Variants in SFMBT2 observed in about 807,000 individuals in gnomAD.
SFMBT2 encodes scm-like with four MBT domains protein 2.
A neutral mutation model predicts 110.1 loss-of-function variants in SFMBT2; 38 were observed. That is an observed-to-expected ratio of 0.35 (90% CI 0.27 to 0.45). The LOEUF is 0.45. Ranked by LOEUF, SFMBT2 falls within the 20% of genes least tolerant of loss-of-function variation. The pLI is 1.00. For synonymous variants in SFMBT2, 425 were observed against 425.4 expected (o/e 1.00, Z 0.01); for missense variants, 1,011 against 1,094.9 (o/e 0.92, Z 1.08).
intron 17 of SFMBT2, among the ~76,000 whole-genome samples, chr10:7,174,967 T>C (rs1262378525): frequency 2.0e-5 from 3 of 152,196 alleles, no homozygotes; most frequent in Non-Finnish European, 4.4e-5. Flanking sequence ...GTGTTGTGTG[T>C]GTGTAGAAAC....
rs60421208 is a variant in SFMBT2 at position 7,228,672 on chromosome 10, C to CTTCTTTCT, written c.1121-743_1121-736dup. Among the ~76,000 whole-genome samples the CTTCTTTCT allele has an allele frequency of 3.2e-3, 276 of 85,038 alleles. 4 individuals carry two copies. The highest frequency in any genetic ancestry group is 6.8e-3 in the Middle Eastern group (1 of 148). The allele number at this position is 85,038 out of a possible 152,430, so 55.8% of individuals were successfully genotyped here. On this transcript the variant is annotated intron_variant, in intron 9 of 20. Transcript: ENST00000397167. ...CCAACTACAGATCCTACTAAAGTGG[C>CTTCTTTCT]TTCTTTCTTTCTTTCTTTCTTTCTT...
chr10:7,403,397 C>T (rs1846132825), intron 1 of SFMBT2, among the ~76,000 whole-genome samples: 1 of 152,184 alleles, frequency 6.6e-6, no homozygotes, highest in Admixed American at 6.5e-5. Flanking sequence ...AATTCCAGCA[C>T]TTTGGGAGGC....
In SFMBT2 at chr10:7,172,223, G is replaced by A; in HGVS notation, c.2152-65C>T. ...GGGGGCCTGTAGCGGTGGCCCCGCGGTCAGACCCTGGGCCCAGTGCAGACC... is the reference window on the plus strand; with the variant it reads ...GGGGGCCTGTAGCGGTGGCCCCGCGATCAGACCCTGGGCCCAGTGCAGACC... On this transcript the variant is annotated intron_variant, in intron 18 of 20. Transcript: ENST00000397167. The surrounding 1 kb of genome is among the most constrained non-coding windows in gnomAD (Gnocchi z 4.6). The A allele has an allele frequency of 2.0e-6, 3 of 1,500,842 alleles. No homozygotes were observed. In the South Asian group the frequency reaches 4.1e-5, roughly 20 times the overall value. The allele number at this position is 1,500,842 out of a possible 1,614,324, so 93.0% of individuals were successfully genotyped here. A position where few individuals can be genotyped will look rare whatever the true frequency, so the allele number is the denominator to read the frequency against.
At chr10:7,254,924 AAC>A (rs1840946878) in intron 7 of SFMBT2, among the ~76,000 whole-genome samples, 2 of 152,166 alleles carry the variant, frequency 1.3e-5, no homozygotes, top group African/African-American at 2.4e-5. Flanking sequence ...TAAAAGGCAA[AAC>A]TAGTCACTTG....
intron 4 of SFMBT2, among the ~76,000 whole-genome samples, chr10:7,315,124 A>C (rs533711260): frequency 4.0e-4 from 60 of 149,018 alleles, no homozygotes; most frequent in South Asian, 8.4e-4. Flanking sequence ...GCAAGCAAGC[A>C]AGCCAGCCAA....
At chr10:7,353,452 C>T (rs2132017718) in intron 4 of SFMBT2, among the ~76,000 whole-genome samples, 1 of 151,150 alleles carries the variant, frequency 6.6e-6, no homozygotes, top group South Asian at 2.1e-4. Flanking sequence ...ATGATAAATC[C>T]TTCCAAAGCC....
At chr10:7,375,682 C>G (rs892562543) in intron 2 of SFMBT2, among the ~76,000 whole-genome samples, 1 of 151,616 alleles carries the variant, frequency 6.6e-6, no homozygotes, top group Non-Finnish European at 1.5e-5. Context: ...ACAGTCCTCA[C>G]GGCACAAAGG....
At chr10:7,225,479 G>A (rs931970868) in intron 10 of SFMBT2, among the ~76,000 whole-genome samples, 6 of 152,160 alleles carry the variant, frequency 3.9e-5, no homozygotes, top group African/African-American at 1.4e-4. Flanking sequence ...TCACCAATGC[G>A]ATGCATACGT....
chr10:7,392,983 T>TTATA (rs760008467), intron 1 of SFMBT2, among the ~76,000 whole-genome samples: 146 of 59,890 alleles, frequency 2.4e-3, no homozygotes, highest in Non-Finnish European at 3.5e-3. Context: ...TGTGGATAGA[T>TTATA]TATATATATA....
intron 1 of SFMBT2, among the ~76,000 whole-genome samples, chr10:7,386,286 G>C (rs1444220711): frequency 6.6e-6 from 1 of 152,132 alleles, no homozygotes; most frequent in African/African-American, 2.4e-5. Context: ...AGTGAGAAGA[G>C]ACAGAAGCTT....
chr10:7,278,192 T>G (rs1052796500), intron 6 of SFMBT2, among the ~76,000 whole-genome samples: 1 of 152,136 alleles, frequency 6.6e-6, no homozygotes, highest in Admixed American at 6.5e-5. Context: ...TTCTTCTTAG[T>G]AGTAGCTAAC....
Position 7,200,395 on chromosome 10 carries a change from C to T in SFMBT2, c.1558+19G>A, listed in dbSNP as rs773848837. On this transcript the variant is annotated intron_variant, in intron 14 of 20. Coordinates refer to ENST00000397167, the MANE Select transcript of SFMBT2 (RefSeq NM_001387889.1). ...GCACGGTGGGAAGGCACAGAGACCCCCTAAATGGGACTGATTACCTGTGGT... is the reference window on the plus strand; with the variant it reads ...GCACGGTGGGAAGGCACAGAGACCCTCTAAATGGGACTGATTACCTGTGGT... The T allele has an allele frequency of 6.4e-7, 1 of 1,570,494 alleles. No individual in the cohort carries two copies. The highest frequency in any genetic ancestry group is 8.6e-7 in the Non-Finnish European group (1 of 1,157,674).
At chr10:7,303,771 A>G (rs776344085) in intron 4 of SFMBT2, among the ~76,000 whole-genome samples, 23 of 152,218 alleles carry the variant, frequency 1.5e-4, no homozygotes, top group Non-Finnish European at 2.4e-4. Flanking sequence ...AGAAAGGGAG[A>G]AGCAATATTT....
chr10:7,381,837 C>T lies in SFMBT2; in HGVS notation c.62G>A (p.Cys21Tyr), dbSNP rs186613416. The change falls in exon 2 of 21, where the codon TGT becomes TAT. Residue 21 changes from cysteine (C) to tyrosine (Y), a missense_variant. By Grantham distance (194) the Cys-to-Tyr change is radical. This residue lies in a region of SFMBT2 where 979 missense variants were observed against 1,016.1 expected (regional missense o/e 0.96). Transcript: ENST00000397167. ...QDPSSSPLEK[C>Y]LGSANGNGDL... is the part of the protein sequence containing the mutation. Reference sequence around the variant, plus strand: ...TCCATTTCCATTAGCTGAGCCGAGACACTTTTCCAAGGGTGAAGATGAAGG... The same window carrying T: ...TCCATTTCCATTAGCTGAGCCGAGATACTTTTCCAAGGGTGAAGATGAAGG... 20 of 1,613,680 alleles carry T rather than the reference C, an allele frequency of 1.2e-5. No homozygotes were observed. The Admixed American group carries it at 2.8e-4, about 23-fold the overall frequency.
chr10:7,240,032 C>T (rs558984806), intron 9 of SFMBT2, among the ~76,000 whole-genome samples: 84 of 152,096 alleles, frequency 5.5e-4, no homozygotes, highest in Non-Finnish European at 1.1e-3. Flanking sequence ...AAAAACCCTC[C>T]ATTTTTAATA....
At position 7,176,072 on chromosome 10, in the gene SFMBT2, C is replaced by G. The variant is rs753908441; in HGVS notation, c.1902G>C (p.Glu634Asp). 1 of 1,614,176 alleles carries G rather than the reference C, an allele frequency of 6.2e-7. No individual in the cohort carries two copies. The highest frequency in any genetic ancestry group is 8.5e-7 in the Non-Finnish European group (1 of 1,180,044). The change falls in exon 17 of 21, where the codon GAG becomes GAC. Residue 634 changes from glutamate (E) to aspartate (D), a missense_variant. Transcript: ENST00000397167. ...CAGGACTAAACAAATTTGGACAGCACTCTAGCTTGGCACAGACTCGGCGGC... is the reference window on the plus strand; with the variant it reads ...CAGGACTAAACAAATTTGGACAGCAGTCTAGCTTGGCACAGACTCGGCGGC... Reference protein sequence around the residue: ...NFCRRVCAKLECCPNLFSPVL... With the variant: ...NFCRRVCAKLDCCPNLFSPVL...
chr10:7,195,704 CA>C (rs1180930761), intron 15 of SFMBT2, among the ~76,000 whole-genome samples: 1 of 152,172 alleles, frequency 6.6e-6, no homozygotes, highest in Non-Finnish European at 1.5e-5. Context: ...CTCTCCCTAC[CA>C]GGGGCAGGCC....
In SFMBT2 at chr10:7,200,396, C is replaced by G. The variant is rs370444368; in HGVS notation, c.1558+18G>C. On this transcript the variant is annotated intron_variant, in intron 14 of 20. Transcript: ENST00000397167. Reference sequence around the variant, plus strand: ...CACGGTGGGAAGGCACAGAGACCCCCTAAATGGGACTGATTACCTGTGGTG... The same window carrying G: ...CACGGTGGGAAGGCACAGAGACCCCGTAAATGGGACTGATTACCTGTGGTG... 24 of 1,572,200 alleles carry G rather than the reference C, an allele frequency of 1.5e-5. No individual in the cohort carries two copies. Among genetic ancestry groups the G allele is most frequent in the Non-Finnish European group, 1.3e-5 (15 of 1,158,782 alleles).
intron 11 of SFMBT2, among the ~76,000 whole-genome samples, chr10:7,211,982 C>T (rs559724234): frequency 1.6e-3 from 241 of 152,304 alleles, no homozygotes; most frequent in Admixed American, 3.1e-3. Flanking sequence ...CTCTGAACCA[C>T]ACCATGCATT....
Sources: allele counts gnomAD v4.1 joint callset (sites outside exome capture counted in the v4.1 genomes callset), GRCh38; gene constraint gnomAD v4.1.1; regional missense constraint gnomAD v4.1.1; non-coding constraint Gnocchi (gnomAD v3.1); transcripts MANE v1.5; gene names NCBI Gene and HGNC (gene_info 2026-07-23, HGNC 2026-07-21).